Variants in FAM110C observed in about 807,000 individuals in gnomAD.
The protein encoded by FAM110C is family with sequence similarity 110 member C, also known as protein FAM110C.
In FAM110C, 19 loss-of-function variants were observed where a neutral mutation model predicts 15.7. The observed-to-expected ratio is 1.21, with a 90% CI of 0.85 to 1.78. The LOEUF is 1.78. Among genes scored for constraint, FAM110C ranks in the 40% most tolerant of loss-of-function variants. The pLI is 0.00. For missense variants in FAM110C, 547 were observed against 495.7 expected, an observed-to-expected ratio of 1.10 and a Z score of -0.98; for synonymous variants, 275 against 233.9, an observed-to-expected ratio of 1.18 and a Z score of -1.61.
rs889314802 is a variant in FAM110C at position 40,437 on chromosome 2, G to A, written c.*1171C>T. ...AGATATATTTTGATATTAAGCTTTC[G>A]AAGAATTGGCTGGGTAACAAATTTT... On this transcript the variant is annotated 3_prime_UTR_variant, in exon 2 of 2. Transcript: ENST00000327669. The A allele has an allele frequency of 6.6e-6, 1 of 152,014 alleles. No homozygotes were observed. The highest frequency in any genetic ancestry group is 1.5e-5 in the Non-Finnish European group (1 of 68,022). The allele number at this position is 152,014 out of a possible 1,614,324, so 9.4% of individuals were successfully genotyped here. A position where few individuals can be genotyped will look rare whatever the true frequency, so the allele number is the denominator to read the frequency against.
intron 1 of FAM110C, chr2:44,749 A>G: frequency 1.0e-6 from 1 of 985,456 alleles, no homozygotes; most frequent in East Asian, 1.1e-4. Flanking sequence ...CATCAGAGGC[A>G]AATAAACTAT....
At chr2:44,807 A>T (rs1664231136) in intron 1 of FAM110C, 1 of 985,342 alleles carries the variant, frequency 1.0e-6, no homozygotes, top group Non-Finnish European at 1.2e-6. Context: ...AAAAACCTGA[A>T]GCTCTCAAAA....
intron 1 of FAM110C, chr2:44,319 T>C: frequency 4.1e-6 from 4 of 985,296 alleles, no homozygotes; most frequent in Non-Finnish European, 4.8e-6. Context: ...AATTTTCATG[T>C]CTGTACTAAA....
In FAM110C at chr2:46,251, G is replaced by A. The variant is rs1260608059; in HGVS notation, c.135C>T (p.Ala45=). 2 of 1,412,806 alleles carry A rather than the reference G, an allele frequency of 1.4e-6. No homozygotes were observed. Among genetic ancestry groups the A allele is most frequent in the African/African-American group, 1.5e-5 (1 of 66,682 alleles). 87.5% of individuals were successfully genotyped at this position (1,412,806 alleles called of 1,614,324 possible). A position where few individuals can be genotyped will look rare whatever the true frequency, so the allele number is the denominator to read the frequency against. Residue 45 remains alanine (A), a synonymous_variant, in exon 1 of 2, where the codon GCC becomes GCT. Transcript: ENST00000327669. ...SAVERLAADR[A]KYVRGRPGTG... ...TCCCCGGCCGACCCCGCACATACTT[G>A]GCGCGATCCGCCGCCAGCCTCTCCA...
In FAM110C at chr2:41,230, G is replaced by A. The variant is rs1311373150; in HGVS notation, c.*378C>T. On this transcript the variant is annotated 3_prime_UTR_variant, in exon 2 of 2. Coordinates refer to ENST00000327669, the MANE Select transcript of FAM110C (RefSeq NM_001077710.3). ...AAGGGGCACATACCATAGCATTCAT[G>A]CTTGGTTTTTATTTTCCTTGATTTA... 9.8e-6 allele frequency: 2 copies of A among 203,630 alleles called. No individual in the cohort carries two copies. Among genetic ancestry groups the A allele is most frequent in the African/African-American group, 2.3e-5 (1 of 43,250 alleles). The allele number at this position is 203,630 out of a possible 1,614,324, so 12.6% of individuals were successfully genotyped here.
At position 40,125 on chromosome 2, in the gene FAM110C, A is replaced by G. The variant is rs1003145048; in HGVS notation, c.*1483T>C. On this transcript the variant is annotated 3_prime_UTR_variant, in exon 2 of 2. Coordinates refer to ENST00000327669, the MANE Select transcript of FAM110C (RefSeq NM_001077710.3). ...CAGTCAATGAAAATCCAATTACACAATATACACAAAGAGATGACCAAGAAA... is the reference window on the plus strand; with the variant it reads ...CAGTCAATGAAAATCCAATTACACAGTATACACAAAGAGATGACCAAGAAA... 6.6e-6 allele frequency: 1 copy of G among 152,228 alleles called. No homozygotes were observed. Among genetic ancestry groups the G allele is most frequent in the African/African-American group, 2.4e-5 (1 of 41,454 alleles). 9.4% of individuals were successfully genotyped at this position (152,228 alleles called of 1,614,324 possible).
At position 42,747 on chromosome 2, in the gene FAM110C, A is replaced by G. The variant is rs566846325; in HGVS notation, c.947-1120T>C. 1.4e-4 allele frequency: 106 copies of G among 746,966 alleles called. No individual in the cohort carries two copies. In the African/African-American group the frequency reaches 1.9e-3, roughly 13 times the overall value. 46.3% of individuals were successfully genotyped at this position (746,966 alleles called of 1,614,324 possible). On this transcript the variant is annotated intron_variant, in intron 1 of 1. Coordinates refer to ENST00000327669, the MANE Select transcript of FAM110C (RefSeq NM_001077710.3). ...CTTTTATTATAAGTTGTAAATCTCT[A>G]TCTACCAAGAGGACAAAAACCTCCA...
In FAM110C at chr2:44,759, T is replaced by C. The variant is rs1020955846; in HGVS notation, c.946+681A>G. On this transcript the variant is annotated intron_variant, in intron 1 of 1. Transcript: ENST00000327669. Reference sequence around the variant, plus strand: ...AGTGTCATCAGAGGCAAATAAACTATAGACTCTAGTTACAATCTAGTCCAA... The same window carrying C: ...AGTGTCATCAGAGGCAAATAAACTACAGACTCTAGTTACAATCTAGTCCAA... The C allele has an allele frequency of 5.9e-5, 58 of 985,286 alleles. No individual in the cohort carries two copies. The African/African-American group carries it at 9.1e-4, about 15-fold the overall frequency. The allele number at this position is 985,286 out of a possible 1,614,324, so 61.0% of individuals were successfully genotyped here. A position where few individuals can be genotyped will look rare whatever the true frequency, so the allele number is the denominator to read the frequency against.
intron 1 of FAM110C, chr2:43,499 G>C (rs879001029): frequency 1.0e-6 from 1 of 985,352 alleles, no homozygotes; most frequent in Admixed American, 6.1e-5. Flanking sequence ...AAAAGTGAAA[G>C]TTCTCACAAG....
intron 1 of FAM110C, chr2:42,157 CAA>C (rs1664143280): frequency 2.0e-6 from 2 of 985,216 alleles, no homozygotes; most frequent in Non-Finnish European, 2.4e-6. Context: ...TCAGAATAGT[CAA>C]AGAAGAAAGG....
intron 1 of FAM110C, chr2:44,793 G>C (rs113266168): frequency 3.0e-6 from 3 of 985,264 alleles, no homozygotes; most frequent in Admixed American, 6.2e-5. Flanking sequence ...AATTTCCCCA[G>C]TTTAAAAACC....
At chr2:43,346 C>A in intron 1 of FAM110C, 1 of 985,376 alleles carries the variant, frequency 1.0e-6, no homozygotes, top group South Asian at 4.7e-5. Flanking sequence ...GCCATTGTCT[C>A]CAGTCTGGAA....
Position 46,054 on chromosome 2 carries a change from C to G in FAM110C, c.332G>C (p.Arg111Pro), listed in dbSNP as rs752382726. 1.6e-5 allele frequency: 24 copies of G among 1,526,914 alleles called. No homozygotes were observed. In the African/African-American group the frequency reaches 3.3e-4, roughly 21 times the overall value. The allele number at this position is 1,526,914 out of a possible 1,614,324, so 94.6% of individuals were successfully genotyped here. A position where few individuals can be genotyped will look rare whatever the true frequency, so the allele number is the denominator to read the frequency against. Residue 111 changes from arginine (R) to proline (P), a missense_variant, in exon 1 of 2, where the codon CGA becomes CCA. Transcript: ENST00000327669. ...CCTGGGGCCGTCGGCGCCCGATCCT[C>G]GCACGAATTCGCATTTCTGCCGGTA... ...IIYRQKCEFV[R>P]GSGADGPRAS... is the part of the protein sequence containing the mutation.
Position 41,427 on chromosome 2 carries a change from G to A in FAM110C, c.*181C>T. 1 of 573,902 alleles carries A rather than the reference G, an allele frequency of 1.7e-6. No homozygotes were observed. Among genetic ancestry groups the A allele is most frequent in the South Asian group, 3.4e-5 (1 of 29,032 alleles). The allele number at this position is 573,902 out of a possible 1,614,324, so 35.6% of individuals were successfully genotyped here. A position where few individuals can be genotyped will look rare whatever the true frequency, so the allele number is the denominator to read the frequency against. ...TTGGAGTTTCAGCTGTTACAACTCA[G>A]CTAAATTTCAAGGTCTGTGTTCCCA... On this transcript the variant is annotated 3_prime_UTR_variant, in exon 2 of 2. Coordinates refer to ENST00000327669, the MANE Select transcript of FAM110C (RefSeq NM_001077710.3).
Position 45,934 on chromosome 2 carries a change from G to C in FAM110C, c.452C>G (p.Thr151Arg). 7.1e-7 allele frequency: 1 copy of C among 1,418,036 alleles called. No individual in the cohort carries two copies. Among genetic ancestry groups the C allele is most frequent in the Non-Finnish European group, 9.1e-7 (1 of 1,096,146 alleles). 87.8% of individuals were successfully genotyped at this position (1,418,036 alleles called of 1,614,324 possible). The change falls in exon 1 of 2, where the codon ACG becomes AGG. Residue 151 changes from threonine to arginine, a missense_variant. By Grantham distance (71) the Thr-to-Arg change is moderately conservative. Coordinates refer to ENST00000327669, the MANE Select transcript of FAM110C (RefSeq NM_001077710.3). ...GDEGKAGNPE[T>R]VPTTPGPAAD... Reference sequence around the variant, plus strand: ...CGCGGGGCCAGGAGTGGTCGGGACCGTCTCCGGGTTCCCGGCCTTGCCCTC... The same window carrying C: ...CGCGGGGCCAGGAGTGGTCGGGACCCTCTCCGGGTTCCCGGCCTTGCCCTC...
rs1664239666 is a variant in FAM110C, at chr2:45,165, T to A, written c.946+275A>T. On this transcript the variant is annotated intron_variant, in intron 1 of 1. Coordinates refer to ENST00000327669, the MANE Select transcript of FAM110C (RefSeq NM_001077710.3). ...ACAATAATAAGCCAAATGGGACATA[T>A]TAATTTGCAGAATTGCCTTTCCAGG... 3.0e-6 allele frequency: 3 copies of A among 985,308 alleles called. No individual in the cohort carries two copies. The South Asian group carries it at 1.4e-4, about 46-fold the overall frequency. 61.0% of individuals were successfully genotyped at this position (985,308 alleles called of 1,614,324 possible).
In FAM110C at chr2:45,857, G is replaced by T. The variant is rs778640365; in HGVS notation, c.529C>A (p.Pro177Thr). The T allele has an allele frequency of 1.1e-4, 173 of 1,512,036 alleles. No homozygotes were observed. The highest frequency in any genetic ancestry group is 1.3e-4 in the Non-Finnish European group (151 of 1,137,962). 93.7% of individuals were successfully genotyped at this position (1,512,036 alleles called of 1,614,324 possible). The change falls in exon 1 of 2, where the codon CCC becomes ACC. Residue 177 changes from proline (P) to threonine (T), a missense_variant. Physicochemically the swap from Pro to Thr is conservative, Grantham distance 38. Transcript: ENST00000327669. ...TPAPAARSAAPSSVPAAPPGP... is the reference protein window; with the variant it reads ...TPAPAARSAATSSVPAAPPGP... ...GGGGGCGCGGCCGGGACACTGGAGG[G>T]CGCCGCGGACCGCGCGGCTGGGGCT...
At chr2:43,568 T>A in intron 1 of FAM110C, 1 of 985,470 alleles carries the variant, frequency 1.0e-6, no homozygotes, top group Non-Finnish European at 1.2e-6. Flanking sequence ...TAGGATTTAG[T>A]CTATGAAGTC....
In FAM110C at chr2:40,977, T is replaced by C. The variant is rs1271760647; in HGVS notation, c.*631A>G. ...GGAGAATGACATTAATAGAATGACC[T>C]TGTAGCCCTCAAGTTATTTTAAAAG... On this transcript the variant is annotated 3_prime_UTR_variant, in exon 2 of 2. Coordinates refer to ENST00000327669, the MANE Select transcript of FAM110C (RefSeq NM_001077710.3). The C allele has an allele frequency of 6.6e-6, 1 of 152,204 alleles. No homozygotes were observed. Among genetic ancestry groups the C allele is most frequent in the Non-Finnish European group, 1.5e-5 (1 of 68,042 alleles). The allele number at this position is 152,204 out of a possible 1,614,324, so 9.4% of individuals were successfully genotyped here. A position where few individuals can be genotyped will look rare whatever the true frequency, so the allele number is the denominator to read the frequency against.
Sources: gnomAD v4.1 joint callset for allele counts on GRCh38, gnomAD v4.1.1 for gene constraint, MANE v1.5 for transcripts, NCBI Gene and HGNC (gene_info 2026-07-23, HGNC 2026-07-21) for gene names.